Variants in DPH7 observed in about 807,000 individuals in gnomAD.
The protein encoded by DPH7 is diphthamide biosynthesis 7.
In DPH7, 44 loss-of-function variants were observed where a neutral mutation model predicts 41.7. The ratio of observed to expected loss-of-function variants is 1.05; its 90% CI spans 0.83 to 1.36. DPH7 has a LOEUF of 1.36. Ranked by LOEUF, DPH7 falls within the 40% of genes most tolerant of loss-of-function variation. The pLI, the probability that DPH7 is intolerant of heterozygous loss-of-function variation, is 0.00. For missense variants in DPH7, 629 were observed against 577.5 expected, an observed-to-expected ratio of 1.09 and a Z score of -0.91; for synonymous variants, 275 against 238.0, an observed-to-expected ratio of 1.16 and a Z score of -1.43.
At position 137,555,126 on chromosome 9, in the gene DPH7, G is replaced by C. The variant is rs910691695; in HGVS notation, c.*113C>G. ...TCTGACTACACTGTGGATTCCATCA[G>C]TGCACAGGCACCTGCAGGGCTGCAG... On this transcript the variant is annotated 3_prime_UTR_variant, in exon 9 of 9. Transcript: ENST00000277540. The C allele has an allele frequency of 3.7e-6, 5 of 1,342,634 alleles. No homozygotes were observed. The highest frequency in any genetic ancestry group is 4.0e-6 in the Non-Finnish European group (4 of 1,001,962). The allele number at this position is 1,342,634 out of a possible 1,614,324, so 83.2% of individuals were successfully genotyped here.
chr9:137,572,078 T>TA (rs1564452935), intron 5 of DPH7, among the ~76,000 whole-genome samples: 1 of 152,146 alleles, frequency 6.6e-6, no homozygotes, highest in Non-Finnish European at 1.5e-5. Context: ...AACGCCGCCT[T>TA]ACACACGTGC....
rs1331407140 is a variant in DPH7 at position 137,577,602 on chromosome 9, C to G, written c.155G>C (p.Gly52Ala). 6.2e-7 allele frequency: 1 copy of G among 1,612,286 alleles called. No individual in the cohort carries two copies. The highest frequency in any genetic ancestry group is 1.1e-5 in the South Asian group (1 of 90,586). Residue 52 changes from glycine to alanine, a missense_variant and splice_region_variant, in exon 2 of 9, where the codon GGT (glycine) becomes GCT (alanine). Gly to Ala is a moderately conservative substitution (Grantham distance 60). Transcript: ENST00000277540. ...CTGAGGCTCCTTAACTTCCATTCCA[C>G]CCTACAAAAAATGCAGAGGTAGTCT... ...EDRPAGPQNK[G>A]GMEVKEPQVR...
At position 137,571,428 on chromosome 9, in the gene DPH7, G is replaced by A. The variant is rs371414722; in HGVS notation, c.640+2780C>T. On this transcript the variant is annotated intron_variant, in intron 5 of 8. Coordinates refer to ENST00000277540, the MANE Select transcript of DPH7 (RefSeq NM_138778.5). The stretch of plus-strand genomic sequence containing the variant: ...TCTTGATCTGCTGACCTCATGATCC[G>A]CCCATCTTGGCCTCCTAAAGTGCTG... Among the ~76,000 whole-genome samples, 44 of 152,126 alleles carry A rather than the reference G, an allele frequency of 2.9e-4. No homozygotes were observed. In the East Asian group the frequency reaches 5.8e-3, roughly 20 times the overall value.
At chr9:137,564,784 C>T in intron 7 of DPH7, 109 bp downstream of exon 7, 1 of 1,445,004 alleles carries the variant, frequency 6.9e-7, no homozygotes, top group Non-Finnish European at 9.5e-7. Flanking sequence ...AGACGAAATG[C>T]TGCAATGGTG....
rs1270973126 is a variant in DPH7 at position 137,574,281 on chromosome 9, G to C, written c.567C>G (p.Ala189=). The part of the protein sequence containing the change: ...NETRPRLQKV[A]SWQAHQFEAW... The stretch of plus-strand genomic sequence containing the variant: ...CCTCGAATTGATGTGCCTGCCATGA[G>C]GCCACTTTCTGCAGCCTGGGCCTCG... Residue 189 remains alanine (A), a synonymous_variant, in exon 5 of 9, where the codon GCC becomes GCG. Coordinates refer to ENST00000277540, the MANE Select transcript of DPH7 (RefSeq NM_138778.5). The C allele has an allele frequency of 6.2e-7, 1 of 1,614,200 alleles. No homozygotes were observed.
rs778778705 is a variant in DPH7 at position 137,577,480 on chromosome 9, C to T, written c.277G>A (p.Asp93Asn). ...VQRKDTSAIL[D>N]MKWCHIPVAG... is the part of the protein sequence containing the mutation. ...TTATCACAGTTATACCATTTCATGTCCAGGATTGCAGAAGTATCTTTTCTT... is the reference window on the plus strand; with the variant it reads ...TTATCACAGTTATACCATTTCATGTTCAGGATTGCAGAAGTATCTTTTCTT... Residue 93 changes from aspartate to asparagine, a missense_variant, in exon 2 of 9, where the codon GAC becomes AAC. Physicochemically the swap from Asp to Asn is conservative, Grantham distance 23. Coordinates refer to ENST00000277540, the MANE Select transcript of DPH7 (RefSeq NM_138778.5). 6.2e-7 allele frequency: 1 copy of T among 1,613,900 alleles called. No individual in the cohort carries two copies. The highest frequency in any genetic ancestry group is 2.2e-5 in the East Asian group (1 of 44,876).
At chr9:137,576,381 A>G in intron 2 of DPH7, 1 of 558,110 alleles carries the variant, frequency 1.8e-6, no homozygotes, top group South Asian at 2.3e-5. Flanking sequence ...CAAGTGTGAC[A>G]CAACAGGAAG....
chr9:137,558,627 T>C (rs926963763), intron 8 of DPH7, among the ~76,000 whole-genome samples: 10 of 152,288 alleles, frequency 6.6e-5, no homozygotes, highest in South Asian at 2.1e-4. Flanking sequence ...CAAATCCCCA[T>C]AGACAGAGTA....
intron 2 of DPH7, chr9:137,576,497 G>A (rs890083123): frequency 1.9e-5 from 5 of 262,388 alleles, no homozygotes; most frequent in Admixed American, 1.9e-4. Flanking sequence ...CAACACTTTG[G>A]GAAGCTGAGG....
chr9:137,560,486 C>G (rs182271638), intron 8 of DPH7, among the ~76,000 whole-genome samples: 3 of 151,872 alleles, frequency 2.0e-5, no homozygotes, highest in African/African-American at 7.2e-5. Context: ...TTTGGGAGGC[C>G]GAGGCAGGCA....
chr9:137,564,327 C>G lies in DPH7; in HGVS notation c.949+107G>C, dbSNP rs554930796. 1.7e-5 allele frequency: 24 copies of G among 1,386,852 alleles called. No homozygotes were observed. In the African/African-American group the frequency reaches 2.8e-4, roughly 16 times the overall value. 85.9% of individuals were successfully genotyped at this position (1,386,852 alleles called of 1,614,324 possible). On this transcript the variant is annotated intron_variant, in intron 8 of 8. Transcript: ENST00000277540. ...GAGTGTGTAAAAGCTGAGGGAAGAG[C>G]CCAGCAGAGCAAGGGAGCAGGGAGC...
At chr9:137,575,064 A>T in intron 3 of DPH7, 1 of 1,338,060 alleles carries the variant, frequency 7.5e-7, no homozygotes, top group African/African-American at 1.5e-5. Flanking sequence ...CACTTGCAGG[A>T]CAACTTTCCC....
chr9:137,563,560 A>G (rs1287705636), intron 8 of DPH7, among the ~76,000 whole-genome samples: 1 of 150,742 alleles, frequency 6.6e-6, no homozygotes, highest in African/African-American at 2.4e-5. Context: ...GAGGAATACC[A>G]TGCGGAAATC....
Position 137,555,084 on chromosome 9 carries a change from G to T in DPH7, c.*155C>A. 1 of 929,334 alleles carries T rather than the reference G, an allele frequency of 1.1e-6. No homozygotes were observed. Among genetic ancestry groups the T allele is most frequent in the Non-Finnish European group, 1.5e-6 (1 of 667,964 alleles). 57.6% of individuals were successfully genotyped at this position (929,334 alleles called of 1,614,324 possible). A position where few individuals can be genotyped will look rare whatever the true frequency, so the allele number is the denominator to read the frequency against. On this transcript the variant is annotated 3_prime_UTR_variant, in exon 9 of 9. Transcript: ENST00000277540. ...GGGCCCAGCAGGGAAGCTGATTTAA[G>T]AGAAGTCAACAGCTTTTCTGACTAC...
In DPH7 at chr9:137,578,480, T is replaced by A. The variant is rs531786180; in HGVS notation, c.153+145A>T. 1.2e-3 allele frequency: 1,290 copies of A among 1,053,612 alleles called. 2 individuals carry two copies. The highest frequency in any genetic ancestry group is 1.5e-3 in the Non-Finnish European group (1,176 of 783,996). The allele number at this position is 1,053,612 out of a possible 1,614,324, so 65.3% of individuals were successfully genotyped here. A position where few individuals can be genotyped will look rare whatever the true frequency, so the allele number is the denominator to read the frequency against. On this transcript the variant is annotated intron_variant, in intron 1 of 8. Coordinates refer to ENST00000277540, the MANE Select transcript of DPH7 (RefSeq NM_138778.5). ...TGCGCCCGGCCGAGAACAATTTTTT[T>A]AAAAAGATTCTAAACTGTTTCCAGC...
Position 137,564,972 on chromosome 9 carries a change from C to T in DPH7, c.711-14G>A, listed in dbSNP as rs201475279. 1.5e-3 allele frequency: 2,386 copies of T among 1,594,774 alleles called. 14 individuals are homozygous for T. The highest frequency in any genetic ancestry group is 9.5e-3 in the South Asian group (842 of 88,908). The stretch of plus-strand genomic sequence containing the variant: ...CCCATGGTGTGTCTGCAAGCAGAGG[C>T]GGCTTCTGAACCAGTGTCCAGCACA... On this transcript the variant is annotated splice_polypyrimidine_tract_variant and intron_variant, in intron 6 of 8. Coordinates refer to ENST00000277540, the MANE Select transcript of DPH7 (RefSeq NM_138778.5).
Position 137,555,413 on chromosome 9 carries a change from T to C in DPH7, c.1185A>G (p.Gly395=), listed in dbSNP as rs1837302117. The change falls in exon 9 of 9, where the codon GGA becomes GGG. Residue 395 remains glycine, a synonymous_variant. Transcript: ENST00000277540. The stretch of plus-strand genomic sequence containing the variant: ...TCATGCCCTCTGTGAGTGGCTTCAT[T>C]CCACTCTGGGGTCTGGCATGGCCCT... ...DGEGHARPQS[G]MKPLTEGMRK... is the part of the protein sequence containing the mutation. The C allele has an allele frequency of 6.2e-6, 10 of 1,614,172 alleles. No homozygotes were observed. Among genetic ancestry groups the C allele is most frequent in the Non-Finnish European group, 7.6e-6 (9 of 1,180,032 alleles).
chr9:137,575,300 T>C, intron 3 of DPH7: 2 of 993,082 alleles, frequency 2.0e-6, no homozygotes, highest in African/African-American at 3.5e-5. Flanking sequence ...CATGAGAACG[T>C]GGTTGCTCTT....
At chr9:137,564,389 C>A (rs1839173660) in intron 8 of DPH7, 45 bp downstream of exon 8, 3 of 1,583,736 alleles carry the variant, frequency 1.9e-6, no homozygotes, top group Non-Finnish European at 2.6e-6. Flanking sequence ...GGGCAGGGAA[C>A]TGGTGCCCTG....
Sources: allele counts gnomAD v4.1 joint callset (sites outside exome capture counted in the v4.1 genomes callset), GRCh38; gene constraint gnomAD v4.1.1; transcripts MANE v1.5; gene names NCBI Gene and HGNC (gene_info 2026-07-23, HGNC 2026-07-21).